The following KCTD9 variants were observed in gnomAD, a reference collection of about 807,000 sequenced individuals.
KCTD9 encodes BTB/POZ domain-containing protein KCTD9.
KCTD9 carries 17 observed loss-of-function variants against 53.3 expected under a neutral mutation model. That is an observed-to-expected ratio of 0.32 (90% CI 0.22 to 0.48). KCTD9 has a LOEUF of 0.48. Among genes scored for constraint, KCTD9 ranks in the 20% least tolerant of loss-of-function variants. The pLI is 0.99. For missense variants in KCTD9, 179 were observed against 465.5 expected, an observed-to-expected ratio of 0.38 and a Z score of 5.66; for synonymous variants, 128 against 162.7, an observed-to-expected ratio of 0.79 and a Z score of 1.62.
In KCTD9 at chr8:25,433,431, G is replaced by C. The variant is rs1180623628; in HGVS notation, c.818C>G (p.Ala273Gly). Residue 273 changes from alanine to glycine, a missense_variant, in exon 10 of 12, where the codon GCG (alanine) becomes GGG (glycine). By Grantham distance (60) the Ala-to-Gly change is moderately conservative. This residue lies in a region of KCTD9 where 32 missense variants were observed against 55.7 expected (regional missense o/e 0.57). Transcript: ENST00000221200. Reference sequence around the variant, plus strand: ...GAGCATCTTGACTCCCTGGAGATTCGCACACTGCAAAGAAAAGAGAAAAGT... The same window carrying C: ...GAGCATCTTGACTCCCTGGAGATTCCCACACTGCAAAGAAAAGAGAAAAGT... Reference protein sequence around the residue: ...ADLSGSVLDCANLQGVKMLCS... With the variant: ...ADLSGSVLDCGNLQGVKMLCS... 6.3e-7 allele frequency: 1 copy of C among 1,581,718 alleles called. No homozygotes were observed. Among genetic ancestry groups the C allele is most frequent in the Non-Finnish European group, 8.6e-7 (1 of 1,157,258 alleles).
chr8:25,435,339 C>T, intron 9 of KCTD9, 24 bp downstream of exon 9: 3 of 1,518,434 alleles, frequency 2.0e-6, no homozygotes, highest in Non-Finnish European at 2.7e-6. Context: ...TTAATTTTCT[C>T]TTGTAGCCTA....
chr8:25,448,715 G>C (rs766849106), intron 1 of KCTD9, among the ~76,000 whole-genome samples: 19 of 152,050 alleles, frequency 1.2e-4, no homozygotes, highest in Non-Finnish European at 2.6e-4. Context: ...AGGAGTTCGA[G>C]ACCAGCTTGG....
At chr8:25,457,340 T>G (rs1203605635) in intron 1 of KCTD9, 2 of 984,504 alleles carry the variant, frequency 2.0e-6, no homozygotes, top group African/African-American at 3.5e-5. Context: ...AGGTATCATT[T>G]AGCAACGCAA....
At chr8:25,457,450 C>T in intron 1 of KCTD9, 3 of 843,468 alleles carry the variant, frequency 3.6e-6, no homozygotes, top group Non-Finnish European at 4.3e-6. Flanking sequence ...TTTTGGCTTG[C>T]TCCAGCGCTG....
At chr8:25,454,854 A>G (rs576042580) in intron 1 of KCTD9, among the ~76,000 whole-genome samples, 1 of 152,364 alleles carries the variant, frequency 6.6e-6, no homozygotes, top group South Asian at 2.1e-4. Flanking sequence ...GACTCAGACT[A>G]TGAATTAGCC....
Position 25,429,883 on chromosome 8 carries a change from G to A in KCTD9, c.1144C>T (p.Leu382=), listed in dbSNP as rs1286906315. The A allele has an allele frequency of 1.3e-6, 2 of 1,589,182 alleles. No homozygotes were observed. Among genetic ancestry groups the A allele is most frequent in the Non-Finnish European group, 1.7e-6 (2 of 1,157,554 alleles). ...CATCTGACACTTTGTGACATGTGTA[G>A]TGGTGTCAGCATCTCTTCAAATATA... ...GAIFEEMLTP[L]HMSQSVR Residue 382 remains leucine, a synonymous_variant, in exon 12 of 12, where the codon CTA becomes TTA. Transcript: ENST00000221200.
In KCTD9 at chr8:25,439,605, C is replaced by G; in HGVS notation, c.370+1G>C. 6.2e-7 allele frequency: 1 copy of G among 1,614,104 alleles called. No individual in the cohort carries two copies. Among genetic ancestry groups the G allele is most frequent in the East Asian group, 2.2e-5 (1 of 44,870 alleles). Reference sequence around the variant, plus strand: ...ATGTGAAAACAACGTGTTACACTCACCTTTGTCCTTAAACATGTGGGCCAG... The same window carrying G: ...ATGTGAAAACAACGTGTTACACTCAGCTTTGTCCTTAAACATGTGGGCCAG... On this transcript the variant is annotated splice_donor_variant, in intron 5 of 11. Transcript: ENST00000221200. LOFTEE classifies it high-confidence loss of function.
At chr8:25,453,965 T>A (rs1413149929) in intron 1 of KCTD9, among the ~76,000 whole-genome samples, 3 of 152,232 alleles carry the variant, frequency 2.0e-5, no homozygotes, top group African/African-American at 7.2e-5. Flanking sequence ...GAGGTTCAGA[T>A]AAATTTTCAC....
intron 1 of KCTD9, among the ~76,000 whole-genome samples, chr8:25,456,857 A>C (rs1007049802): frequency 2.0e-5 from 3 of 152,228 alleles, no homozygotes; most frequent in African/African-American, 7.2e-5. Context: ...ACTGCATTAA[A>C]AAGGTCAACC....
chr8:25,453,376 C>A (rs1313743849), intron 1 of KCTD9, among the ~76,000 whole-genome samples: 1 of 150,762 alleles, frequency 6.6e-6, no homozygotes, highest in Non-Finnish European at 1.5e-5. Context: ...AAGGTGAGGG[C>A]CGGGCACGGT....
In KCTD9 at chr8:25,458,275, G is replaced by A. The variant is rs780592544; in HGVS notation, c.-29C>T. 24 of 1,609,230 alleles carry A rather than the reference G, an allele frequency of 1.5e-5. No individual in the cohort carries two copies. The highest frequency in any genetic ancestry group is 2.0e-5 in the Non-Finnish European group (23 of 1,178,760). On this transcript the variant is annotated 5_prime_UTR_variant, in exon 1 of 12. Coordinates refer to ENST00000221200, the MANE Select transcript of KCTD9 (RefSeq NM_017634.4). ...GCTGCCCCCGCTGGGTCCTGAGTGA[G>A]CCGCCACCCTCCCACCTGGTCCTCC...
chr8:25,456,880 T>C lies in KCTD9; in HGVS notation c.48+1319A>G, dbSNP rs956112035. Among the ~76,000 whole-genome samples, 6 of 152,220 alleles carry C rather than the reference T, an allele frequency of 3.9e-5. 1 individual carries two copies. The highest frequency in any genetic ancestry group is 8.8e-5 in the Non-Finnish European group (6 of 68,046). On this transcript the variant is annotated intron_variant, in intron 1 of 11. Transcript: ENST00000221200. Reference sequence around the variant, plus strand: ...AAAAAGGTCAACCAGAAGTTTGTTTTTGAGAAATATTACCAATTTTGAACA... The same window carrying C: ...AAAAAGGTCAACCAGAAGTTTGTTTCTGAGAAATATTACCAATTTTGAACA...
At chr8:25,441,198 A>G (rs926592230) in intron 3 of KCTD9, among the ~76,000 whole-genome samples, 36 of 152,120 alleles carry the variant, frequency 2.4e-4, no homozygotes, top group African/African-American at 8.7e-4. Flanking sequence ...AGGACTGCAG[A>G]TGAAAGTTAA....
intron 11 of KCTD9, among the ~76,000 whole-genome samples, chr8:25,431,281 G>C (rs557569304): frequency 1.3e-5 from 2 of 152,144 alleles, no homozygotes; most frequent in Admixed American, 1.3e-4. Flanking sequence ...CCTAGCCCTA[G>C]TATTTTTATA....
In KCTD9 at chr8:25,458,252, T is replaced by G; in HGVS notation, c.-6A>C. ...AACAGGGTCACCCGCCTCATCGCGCTGCCCCCGCTGGGTCCTGAGTGAGCC... is the reference window on the plus strand; with the variant it reads ...AACAGGGTCACCCGCCTCATCGCGCGGCCCCCGCTGGGTCCTGAGTGAGCC... On this transcript the variant is annotated 5_prime_UTR_variant, in exon 1 of 12. Transcript: ENST00000221200. 1 of 1,603,058 alleles carries G rather than the reference T, an allele frequency of 6.2e-7. No individual in the cohort carries two copies.
At position 25,435,416 on chromosome 8, in the gene KCTD9, T is replaced by A; in HGVS notation, c.760A>T (p.Asn254Tyr). The change falls in exon 9 of 12, where the codon AAT becomes TAT. Residue 254 changes from asparagine (N) to tyrosine (Y), a missense_variant. This residue lies in a region of KCTD9 where 32 missense variants were observed against 55.7 expected (regional missense o/e 0.57). Transcript: ENST00000221200. ...NLSRCNLAHANLCCANLERAD... is the reference protein window; with the variant it reads ...NLSRCNLAHAYLCCANLERAD... ...CGTTCAAGATTTGCACAGCAAAGAT[T>A]TGCATGTGCAAGATTACAGCGGCTT... 1 of 1,612,112 alleles carries A rather than the reference T, an allele frequency of 6.2e-7. No individual in the cohort carries two copies. The highest frequency in any genetic ancestry group is 2.2e-5 in the East Asian group (1 of 44,760).
At chr8:25,431,444 G>A (rs1188535951) in intron 11 of KCTD9, among the ~76,000 whole-genome samples, 1 of 152,064 alleles carries the variant, frequency 6.6e-6, no homozygotes, top group African/African-American at 2.4e-5. Flanking sequence ...TTCCACTTAA[G>A]TCCCTGGATA....
chr8:25,436,072 G>C (rs191411266), intron 8 of KCTD9, among the ~76,000 whole-genome samples, 163 bp downstream of exon 8: 1 of 151,980 alleles, frequency 6.6e-6, no homozygotes, highest in Non-Finnish European at 1.5e-5. Context: ...TCTCTTTTTC[G>C]TTAACCATTT....
At chr8:25,435,883 C>T (rs1391179711) in intron 8 of KCTD9, among the ~76,000 whole-genome samples, 2 of 152,134 alleles carry the variant, frequency 1.3e-5, no homozygotes, top group Admixed American at 1.3e-4. Flanking sequence ...AAAATGAGTA[C>T]TGTGGTCTTT....
Sources: gnomAD v4.1 joint callset for allele counts (sites outside exome capture counted in the v4.1 genomes callset) on GRCh38, gnomAD v4.1.1 for gene constraint, gnomAD v4.1.1 regional missense constraint, MANE v1.5 for transcripts, NCBI Gene and HGNC (gene_info 2026-07-23, HGNC 2026-07-21) for gene names.